The following VRK2 variants were observed in gnomAD, a reference collection of about 807,000 sequenced individuals.
VRK2 encodes VRK serine/threonine kinase 2, also known as serine/threonine-protein kinase VRK2.
VRK2 carries 60 observed loss-of-function variants against 57.6 expected under a neutral mutation model. That is an observed-to-expected ratio of 1.04 (90% CI 0.85 to 1.29). The LOEUF (loss-of-function observed/expected upper bound fraction) is 1.29, where lower values mean the gene tolerates loss of function less well. Among genes scored for constraint, VRK2 ranks in the 50% most tolerant of loss-of-function variants. VRK2 has a pLI of 0.00. For synonymous variants in VRK2, 231 were observed against 199.2 expected (o/e 1.16, Z -1.35); for missense variants, 705 against 588.1 (o/e 1.20, Z -2.06).
chr2:58,122,450 AAAGT>A (rs1434893734), intron 7 of VRK2, among the ~76,000 whole-genome samples: 3 of 152,246 alleles, frequency 2.0e-5, no homozygotes, highest in Admixed American at 2.0e-4. Flanking sequence ...TTCTTACAAT[AAAGT>A]AAGCTAAAGA....
At chr2:58,025,761 A>C (rs1673904324) in exon 2 of VRK2, 3 of 152,216 alleles carry the variant, frequency 2.0e-5, no homozygotes, top group African/African-American at 7.2e-5. Flanking sequence ...TACCAGAGAA[A>C]AGATGCCAGG....
rs763740075 is a variant in VRK2 at position 58,089,745 on chromosome 2, T to C, written c.543+22T>C. 3 of 1,528,810 alleles carry C rather than the reference T, an allele frequency of 2.0e-6. No homozygotes were observed. In the African/African-American group the frequency reaches 4.1e-5, roughly 21 times the overall value. The allele number at this position is 1,528,810 out of a possible 1,614,324, so 94.7% of individuals were successfully genotyped here. ...CCAGGTAAATACATACTTTTGCTTT[T>C]AATAAAGGTCTTTAATGTATGAAAC... On this transcript the variant is annotated intron_variant, in intron 7 of 12. Coordinates refer to ENST00000340157, the MANE Select transcript of VRK2 (RefSeq NM_006296.7).
At chr2:57,936,206 C>T (rs555231006) in intron 1 of VRK2, among the ~76,000 whole-genome samples, 3 of 152,330 alleles carry the variant, frequency 2.0e-5, no homozygotes, top group East Asian at 1.9e-4. Context: ...CAAACTAAAA[C>T]TTTAACTGTC....
At chr2:58,041,634 G>GA (rs1338674385) in intron 3 of VRK2, among the ~76,000 whole-genome samples, 8 of 152,218 alleles carry the variant, frequency 5.3e-5, no homozygotes, top group Non-Finnish European at 1.0e-4. Flanking sequence ...TTCTCTTGTG[G>GA]AAAAAATCTA....
At chr2:58,140,296 A>G (rs1461425374) in intron 11 of VRK2, among the ~76,000 whole-genome samples, 2 of 152,058 alleles carry the variant, frequency 1.3e-5, no homozygotes, top group African/African-American at 4.8e-5. Context: ...TTTATGCCAG[A>G]GATCTAGGTT....
chr2:58,022,858 G>C (rs1403503200), intron 1 of VRK2, among the ~76,000 whole-genome samples: 3 of 152,116 alleles, frequency 2.0e-5, no homozygotes, highest in African/African-American at 7.2e-5. Flanking sequence ...CTGGGCAACA[G>C]AGCAAGACCC....
At chr2:58,112,715 T>C (rs1244786153) in intron 7 of VRK2, among the ~76,000 whole-genome samples, 1 of 152,118 alleles carries the variant, frequency 6.6e-6, no homozygotes, top group Non-Finnish European at 1.5e-5. Flanking sequence ...GTATATGCAA[T>C]TTTAGAAGCA....
intron 1 of VRK2, among the ~76,000 whole-genome samples, chr2:58,000,894 A>T (rs570089232): frequency 2.6e-5 from 4 of 152,360 alleles, no homozygotes; most frequent in Admixed American, 2.6e-4. Flanking sequence ...TGCTTCTGTG[A>T]TGACTCTGTA....
At chr2:58,158,937 G>A (rs1684517803) in intron 12 of VRK2, among the ~76,000 whole-genome samples, 1 of 152,040 alleles carries the variant, frequency 6.6e-6, no homozygotes, top group South Asian at 2.1e-4. Flanking sequence ...CTTCTCAGTT[G>A]CCATGGAATC....
At chr2:57,913,338 C>T (rs926195830) in intron 1 of VRK2, among the ~76,000 whole-genome samples, 3 of 152,144 alleles carry the variant, frequency 2.0e-5, no homozygotes, top group African/African-American at 7.2e-5. Context: ...AAATGACTGT[C>T]TATAAAAGTG....
At chr2:58,054,351 G>A (rs1394629787) in intron 2 of VRK2, among the ~76,000 whole-genome samples, 2 of 150,938 alleles carry the variant, frequency 1.3e-5, no homozygotes, top group African/African-American at 2.4e-5. Flanking sequence ...CTCTTCCACT[G>A]GACCTGTTAC....
intron 1 of VRK2, among the ~76,000 whole-genome samples, chr2:57,962,799 T>A (rs1039998391): frequency 1.3e-5 from 2 of 152,230 alleles, no homozygotes; most frequent in African/African-American, 4.8e-5. Context: ...TTTACTGTCA[T>A]CCTTTTCTTC....
At chr2:57,979,857 T>C (rs1284514515) in intron 1 of VRK2, among the ~76,000 whole-genome samples, 1 of 152,294 alleles carries the variant, frequency 6.6e-6, no homozygotes, top group Admixed American at 6.5e-5. Flanking sequence ...TGAGGGTTTT[T>C]TGTATTTCTG....
intron 1 of VRK2, among the ~76,000 whole-genome samples, chr2:57,937,468 G>A (rs976487690): frequency 6.6e-6 from 1 of 152,108 alleles, no homozygotes; most frequent in African/African-American, 2.4e-5. Flanking sequence ...ATGATTTACT[G>A]TAAAGAATTA....
At chr2:58,155,324 G>A (rs1264301104) in intron 12 of VRK2, among the ~76,000 whole-genome samples, 1 of 152,194 alleles carries the variant, frequency 6.6e-6, no homozygotes, top group South Asian at 2.1e-4. Context: ...AGGCCAGAGT[G>A]GAGGGTTGCT....
chr2:57,969,307 A>G (rs933220431), intron 1 of VRK2, among the ~76,000 whole-genome samples: 23 of 152,124 alleles, frequency 1.5e-4, no homozygotes, highest in African/African-American at 5.3e-4. Flanking sequence ...GAAGAAATCA[A>G]GTTTTTTTTT....
chr2:57,987,461 A>G (rs906031562), intron 1 of VRK2, among the ~76,000 whole-genome samples: 1 of 152,180 alleles, frequency 6.6e-6, no homozygotes, highest in Non-Finnish European at 1.5e-5. Context: ...ATACTACTAC[A>G]TACCTATTTG....
chr2:58,042,802 G>C (rs115628368), upstream of VRK2, among the ~76,000 whole-genome samples: 1,254 of 152,078 alleles, frequency 8.2e-3, 26 homozygotes, highest in African/African-American at 0.028. Flanking sequence ...TGAAAACCTA[G>C]TTTTCCCCAT....
chr2:58,056,663 T>G (rs560539234), intron 2 of VRK2, among the ~76,000 whole-genome samples: 1 of 152,278 alleles, frequency 6.6e-6, no homozygotes, highest in East Asian at 1.9e-4. Flanking sequence ...TTTGAGGAAC[T>G]AACATTTTAT....
Sources: allele counts gnomAD v4.1 joint callset (sites outside exome capture counted in the v4.1 genomes callset), GRCh38; gene constraint gnomAD v4.1.1; transcripts MANE v1.5; gene names NCBI Gene and HGNC (gene_info 2026-07-23, HGNC 2026-07-21).